Variants in FAM13A observed in about 807,000 individuals in gnomAD.
The protein encoded by FAM13A is protein FAM13A.
In FAM13A, 76 loss-of-function variants were observed where a neutral mutation model predicts 129.6. The observed-to-expected ratio is 0.59, with a 90% CI of 0.49 to 0.71. The LOEUF (loss-of-function observed/expected upper bound fraction) is 0.71, where lower values mean the gene tolerates loss of function less well. Ranked by LOEUF, FAM13A falls within the 30% of genes least tolerant of loss-of-function variation. FAM13A has a pLI of 0.00. For synonymous variants in FAM13A, 443 were observed against 449.9 expected, an observed-to-expected ratio of 0.98 and a Z score of 0.20; for missense variants, 1,108 against 1,249.3, an observed-to-expected ratio of 0.89 and a Z score of 1.70.
At chr4:89,052,366 A>T (rs970119991) in intron 1 of FAM13A, among the ~76,000 whole-genome samples, 3 of 150,304 alleles carry the variant, frequency 2.0e-5, no homozygotes, top group Non-Finnish European at 4.4e-5. Context: ...TGTGCAGGTT[A>T]GTTACATATG....
chr4:88,814,570 A>T (rs1172380271), intron 7 of FAM13A, among the ~76,000 whole-genome samples: 4 of 152,260 alleles, frequency 2.6e-5, no homozygotes, highest in Middle Eastern at 3.4e-3. Flanking sequence ...AAAAAGAGGA[A>T]AGTCACTTAT....
At chr4:88,743,847 G>A (rs1382970543) in intron 19 of FAM13A, among the ~76,000 whole-genome samples, 1 of 152,198 alleles carries the variant, frequency 6.6e-6, no homozygotes, top group African/African-American at 2.4e-5. Flanking sequence ...TTATGTCATA[G>A]ACAAACTATG....
intron 5 of FAM13A, among the ~76,000 whole-genome samples, chr4:88,920,473 G>C (rs932102750): frequency 1.1e-4 from 17 of 152,322 alleles, no homozygotes; most frequent in African/African-American, 2.6e-4. Context: ...AACTCCAACA[G>C]ACCTGCAGCT....
chr4:88,734,178 C>T (rs998481280), intron 21 of FAM13A, among the ~76,000 whole-genome samples: 1 of 148,318 alleles, frequency 6.7e-6, no homozygotes, highest in Non-Finnish European at 1.5e-5. Context: ...AACCATTTTT[C>T]CTTTTTTGAT....
intron 11 of FAM13A, among the ~76,000 whole-genome samples, chr4:88,777,307 A>G (rs981625871): frequency 2.0e-5 from 3 of 152,194 alleles, no homozygotes; most frequent in Non-Finnish European, 4.4e-5. Context: ...ATTTGAGCAG[A>G]TAAGAAAATA....
At chr4:88,913,604 T>C (rs1749577647) in intron 5 of FAM13A, among the ~76,000 whole-genome samples, 1 of 152,156 alleles carries the variant, frequency 6.6e-6, no homozygotes, top group Admixed American at 6.5e-5. Context: ...AAATAATACA[T>C]GTCTCCTTTT....
intron 1 of FAM13A, among the ~76,000 whole-genome samples, chr4:89,034,299 T>TA (rs1448956263): frequency 1.3e-5 from 2 of 151,994 alleles, no homozygotes; most frequent in Non-Finnish European, 2.9e-5. Flanking sequence ...CTAAGACATA[T>TA]AAGCAGCCAA....
At chr4:88,979,648 T>A (rs1761394440) in intron 4 of FAM13A, among the ~76,000 whole-genome samples, 1 of 152,082 alleles carries the variant, frequency 6.6e-6, no homozygotes, top group South Asian at 2.1e-4. Flanking sequence ...AAGAACTCAA[T>A]AAATATTGCC....
intron 7 of FAM13A, among the ~76,000 whole-genome samples, chr4:88,828,585 G>A (rs996647047): frequency 6.6e-6 from 1 of 152,218 alleles, no homozygotes; most frequent in Non-Finnish European, 1.5e-5. Context: ...AACAGGAACT[G>A]TATCTTTCCT....
chr4:88,952,173 C>G (rs1757052546), intron 4 of FAM13A, among the ~76,000 whole-genome samples: 1 of 151,988 alleles, frequency 6.6e-6, no homozygotes, highest in Admixed American at 6.6e-5. Context: ...GCCAAACCAG[C>G]AATCTTTTAT....
intron 11 of FAM13A, among the ~76,000 whole-genome samples, chr4:88,773,652 T>C (rs542139240): frequency 5.3e-4 from 80 of 152,142 alleles, no homozygotes; most frequent in Non-Finnish European, 1.1e-3. Flanking sequence ...TTTTACCCTT[T>C]GTACTCAGTC....
chr4:88,976,359 C>G (rs887611713), intron 4 of FAM13A, among the ~76,000 whole-genome samples: 1 of 152,156 alleles, frequency 6.6e-6, no homozygotes, highest in African/African-American at 2.4e-5. Flanking sequence ...CTGGCCTCAT[C>G]AGCAACGTTC....
intron 4 of FAM13A, among the ~76,000 whole-genome samples, chr4:88,945,988 G>GTATATATATA (rs1553901158): frequency 4.4e-3 from 60 of 13,646 alleles, no homozygotes; most frequent in African/African-American, 0.013. Flanking sequence ...GTGTGTGTGT[G>GTATATATATA]TGTATATATA....
In FAM13A at chr4:88,860,360, C is replaced by T. The variant is rs183465544; in HGVS notation, c.844-9177G>A. On this transcript the variant is annotated intron_variant, in intron 6 of 23. Transcript: ENST00000264344. ...ATACTCAGGATTCTGTGCTGTAAGACTTACACTGTTCAGCAGTAGTTAAGC... is the reference window on the plus strand; with the variant it reads ...ATACTCAGGATTCTGTGCTGTAAGATTTACACTGTTCAGCAGTAGTTAAGC... Among the ~76,000 whole-genome samples, 391 of 152,322 alleles carry T rather than the reference C, an allele frequency of 2.6e-3. 2 individuals carry two copies. The highest frequency in any genetic ancestry group is 3.6e-3 in the Non-Finnish European group (245 of 68,028).
chr4:88,839,813 C>A (rs1370271623), intron 7 of FAM13A, among the ~76,000 whole-genome samples: 2 of 152,132 alleles, frequency 1.3e-5, no homozygotes, highest in East Asian at 1.9e-4. Flanking sequence ...GTTAAATCTG[C>A]CCCCCAACGT....
chr4:89,033,055 T>C (rs973559577), intron 1 of FAM13A, among the ~76,000 whole-genome samples: 4 of 152,208 alleles, frequency 2.6e-5, no homozygotes, highest in Admixed American at 6.5e-5. Context: ...GGTAAGCTGC[T>C]CCAGTAACTT....
chr4:88,913,649 G>A (rs374901494), intron 5 of FAM13A, among the ~76,000 whole-genome samples: 2 of 152,314 alleles, frequency 1.3e-5, no homozygotes, highest in East Asian at 3.9e-4. Context: ...AGAATTGCCT[G>A]GTATAGCAGG....
At chr4:88,936,966 T>C (rs1753955360) in intron 5 of FAM13A, 1 of 152,108 alleles carries the variant, frequency 6.6e-6, no homozygotes, top group African/African-American at 2.4e-5. Context: ...TTGAGGGCGA[T>C]TTTTTTCTAT....
intron 6 of FAM13A, among the ~76,000 whole-genome samples, chr4:88,877,990 G>C (rs1043764168): frequency 6.6e-6 from 1 of 152,088 alleles, no homozygotes; most frequent in Non-Finnish European, 1.5e-5. Flanking sequence ...TATAGTTAAA[G>C]AAATTTGGTA....
Sources: gnomAD v4.1 joint callset for allele counts (sites outside exome capture counted in the v4.1 genomes callset) on GRCh38, gnomAD v4.1.1 for gene constraint, MANE v1.5 for transcripts, NCBI Gene and HGNC (gene_info 2026-07-23, HGNC 2026-07-21) for gene names.